Variants in PTPRD observed in about 807,000 individuals in gnomAD.
PTPRD encodes the protein receptor-type tyrosine-protein phosphatase delta.
PTPRD carries 34 observed loss-of-function variants against 214.5 expected under a neutral mutation model. That is an observed-to-expected ratio of 0.16 (90% CI 0.12 to 0.21). The LOEUF (loss-of-function observed/expected upper bound fraction) is 0.21. PTPRD is among the 10% of genes least tolerant of loss of function. The pLI is 1.00. For synonymous variants in PTPRD, 1,128 were observed against 845.7 expected (o/e 1.33, Z -5.79); for missense variants, 2,545 against 2,398.7 (o/e 1.06, Z -1.27).
At position 8,486,198 on chromosome 9, in the gene PTPRD, G is replaced by A. The variant is rs1239982421; in HGVS notation, c.2619C>T (p.Phe873=). Reference sequence around the variant, plus strand: ...CTGTAAAGTGATCTTCTTTTTCAGAGAACTCAAGAGTAGTAAGTGGCTCCA... The same window carrying A: ...CTGTAAAGTGATCTTCTTTTTCAGAAAACTCAAGAGTAGTAAGTGGCTCCA... ...KDMEPLTTLE[F]SEKEDHFTAT... Residue 873 remains phenylalanine (F), a synonymous_variant, in exon 28 of 46, where the codon TTC becomes TTT. Transcript: ENST00000381196. 6.2e-7 allele frequency: 1 copy of A among 1,614,070 alleles called. No individual in the cohort carries two copies.
At chr9:8,686,437 C>G (rs7048587) in intron 12 of PTPRD, among the ~76,000 whole-genome samples, 1 of 152,000 alleles carries the variant, frequency 6.6e-6, no homozygotes, top group Non-Finnish European at 1.5e-5. Flanking sequence ...AGCCATGTCA[C>G]GAAGAATTAA....
chr9:8,718,291 T>G (rs1380841306), intron 12 of PTPRD, among the ~76,000 whole-genome samples: 3 of 152,216 alleles, frequency 2.0e-5, no homozygotes, highest in Non-Finnish European at 2.9e-5. Flanking sequence ...CAGATTCATT[T>G]GTTAAACTAC....
At chr9:10,087,621 C>T (rs548585874) in intron 3 of PTPRD, among the ~76,000 whole-genome samples, 1 of 151,598 alleles carries the variant, frequency 6.6e-6, no homozygotes, top group Non-Finnish European at 1.5e-5. Flanking sequence ...TGAGAACTCT[C>T]CAAAACATCC....
intron 3 of PTPRD, among the ~76,000 whole-genome samples, chr9:10,285,262 C>A (rs1476290687): frequency 3.6e-5 from 5 of 138,012 alleles, no homozygotes; most frequent in Non-Finnish European, 1.5e-5. Context: ...AAAGAGACTA[C>A]TTGTTTTCAC....
chr9:9,230,490 C>A (rs2099962425), intron 9 of PTPRD, among the ~76,000 whole-genome samples: 2 of 152,074 alleles, frequency 1.3e-5, no homozygotes, highest in South Asian at 4.1e-4. Context: ...TTGTAGAAAT[C>A]CCCAATTTAT....
chr9:9,538,130 G>C (rs10977839), intron 8 of PTPRD, among the ~76,000 whole-genome samples: 1 of 151,798 alleles, frequency 6.6e-6, no homozygotes, highest in Non-Finnish European at 1.5e-5. Context: ...ATCTTTCAAA[G>C]TATTTCCTCA....
chr9:10,291,888 AG>A (rs1337917039), intron 3 of PTPRD, among the ~76,000 whole-genome samples: 4 of 152,106 alleles, frequency 2.6e-5, no homozygotes, highest in African/African-American at 9.7e-5. Context: ...ACTCATTTAT[AG>A]TACTGATAAG....
chr9:8,749,954 T>A (rs1473846583), intron 11 of PTPRD, among the ~76,000 whole-genome samples: 1 of 151,788 alleles, frequency 6.6e-6, no homozygotes, highest in Non-Finnish European at 1.5e-5. Flanking sequence ...ATACAAAAAA[T>A]GAGCCAGCTG....
chr9:9,959,582 C>T (rs1246085476), intron 4 of PTPRD, among the ~76,000 whole-genome samples: 1 of 152,068 alleles, frequency 6.6e-6, no homozygotes, highest in East Asian at 1.9e-4. Context: ...TATGAAAAAC[C>T]TCACTGAAGA....
chr9:9,554,568 G>T (rs2081071658), intron 8 of PTPRD, among the ~76,000 whole-genome samples: 1 of 151,914 alleles, frequency 6.6e-6, no homozygotes, highest in African/African-American at 2.4e-5. Flanking sequence ...AAGAGAAAAT[G>T]AACAATCACA....
chr9:10,567,460 G>A (rs2065973385), intron 2 of PTPRD, among the ~76,000 whole-genome samples: 1 of 151,900 alleles, frequency 6.6e-6, no homozygotes, highest in Non-Finnish European at 1.5e-5. Context: ...TATATTATCT[G>A]TAACCAGTTT....
At chr9:8,862,237 T>C (rs1331625550) in intron 11 of PTPRD, 2 of 152,146 alleles carry the variant, frequency 1.3e-5, no homozygotes, top group Admixed American at 6.5e-5. Context: ...GTGTCTGTAA[T>C]CCCAGCTACT....
At chr9:10,410,612 T>A (rs1213640314) in intron 2 of PTPRD, among the ~76,000 whole-genome samples, 1 of 151,644 alleles carries the variant, frequency 6.6e-6, no homozygotes, top group Non-Finnish European at 1.5e-5. Flanking sequence ...CAAATCTATT[T>A]AAATAACTGA....
chr9:10,350,204 C>T (rs1430134066), intron 2 of PTPRD, among the ~76,000 whole-genome samples: 1 of 151,970 alleles, frequency 6.6e-6, no homozygotes, highest in Non-Finnish European at 1.5e-5. Flanking sequence ...GCATAGAGGC[C>T]TTATCAGTTT....
At chr9:9,141,432 T>C (rs1228692123) in intron 10 of PTPRD, among the ~76,000 whole-genome samples, 3 of 152,098 alleles carry the variant, frequency 2.0e-5, no homozygotes, top group Non-Finnish European at 4.4e-5. Context: ...TTGACCACTT[T>C]AGAATGGTAG....
intron 10 of PTPRD, among the ~76,000 whole-genome samples, chr9:9,033,573 G>A (rs1473765368): frequency 6.6e-6 from 1 of 152,032 alleles, no homozygotes; most frequent in Non-Finnish European, 1.5e-5. Context: ...ATATCTTTTG[G>A]AAAATACTAG....
intron 5 of PTPRD, among the ~76,000 whole-genome samples, chr9:9,884,266 G>A (rs1010942631): frequency 6.6e-6 from 1 of 152,114 alleles, no homozygotes; most frequent in East Asian, 1.9e-4. Flanking sequence ...ACAGAGTTCA[G>A]TCTTTCCAAC....
chr9:9,256,607 A>G (rs935698371), intron 9 of PTPRD, among the ~76,000 whole-genome samples: 2 of 151,932 alleles, frequency 1.3e-5, no homozygotes, highest in Non-Finnish European at 2.9e-5. Context: ...CTGGGACTAG[A>G]ATCCAGGATT....
chr9:9,520,640 T>C (rs2096948495), intron 8 of PTPRD, among the ~76,000 whole-genome samples: 1 of 152,192 alleles, frequency 6.6e-6, no homozygotes, highest in Admixed American at 6.5e-5. Flanking sequence ...TATCGAGATA[T>C]AAATTATTTT....
Sources: gnomAD v4.1 joint callset for allele counts (sites outside exome capture counted in the v4.1 genomes callset) on GRCh38, gnomAD v4.1.1 for gene constraint, MANE v1.5 for transcripts, NCBI Gene and HGNC (gene_info 2026-07-23, HGNC 2026-07-21) for gene names.